The following SCD5 variants were observed in gnomAD, a reference collection of about 807,000 sequenced individuals.
SCD5 encodes the protein acyl-CoA-desaturase 4.
A neutral mutation model predicts 30.4 loss-of-function variants in SCD5; 20 were observed. The observed-to-expected ratio is 0.66, with a 90% CI of 0.46 to 0.96. The LOEUF is 0.96. Ranked by LOEUF, SCD5 falls within the 40% of genes least tolerant of loss-of-function variation. The probability of loss-of-function intolerance (pLI) is 0.00; values close to 1 mark genes in which losing one functional copy is unlikely to be tolerated. For synonymous variants in SCD5, 173 were observed against 176.4 expected, an observed-to-expected ratio of 0.98 and a Z score of 0.16; for missense variants, 381 against 443.3, an observed-to-expected ratio of 0.86 and a Z score of 1.26.
chr4:82,798,600 T>A lies in SCD5; in HGVS notation c.-63A>T. Reference sequence around the variant, plus strand: ...GGCAGGCGCTCTGCCCGAGCGGAGCTCGAGGGTGGGGGCGGGGGCTTCTGC... The same window carrying A: ...GGCAGGCGCTCTGCCCGAGCGGAGCACGAGGGTGGGGGCGGGGGCTTCTGC... On this transcript the variant is annotated 5_prime_UTR_variant, in exon 1 of 5. Transcript: ENST00000319540. 1 of 1,417,714 alleles carries A rather than the reference T, an allele frequency of 7.1e-7. No individual in the cohort carries two copies. Among genetic ancestry groups the A allele is most frequent in the Non-Finnish European group, 9.4e-7 (1 of 1,061,980 alleles). 87.8% of individuals were successfully genotyped at this position (1,417,714 alleles called of 1,614,324 possible).
chr4:82,680,941 G>C lies in SCD5; in HGVS notation c.364-29C>G, dbSNP rs199909062. ...CAGAGAGAATGAGAGCCTGAGTGAA[G>C]AGAGGAACCGCACCGCCGAGCATCC... On this transcript the variant is annotated intron_variant, in intron 2 of 4. Transcript: ENST00000319540. The C allele has an allele frequency of 3.8e-6, 6 of 1,595,828 alleles. No homozygotes were observed. The African/African-American group carries it at 5.4e-5, about 14-fold the overall frequency.
intron 3 of SCD5, among the ~76,000 whole-genome samples, chr4:82,667,098 C>CA (rs563106215): frequency 2.0e-4 from 30 of 152,218 alleles, no homozygotes; most frequent in African/African-American, 7.2e-4. Context: ...TCCCAGAATC[C>CA]ATTGACACCT....
At chr4:82,745,657 C>G (rs150464554) in intron 1 of SCD5, among the ~76,000 whole-genome samples, 18 of 152,334 alleles carry the variant, frequency 1.2e-4, no homozygotes, top group Admixed American at 3.3e-4. Flanking sequence ...ATCCTCTCTC[C>G]TCCCACCCCT....
intron 1 of SCD5, among the ~76,000 whole-genome samples, chr4:82,776,543 T>C (rs1721748244): frequency 6.6e-6 from 1 of 152,176 alleles, no homozygotes; most frequent in East Asian, 1.9e-4. Context: ...AGGCATGACC[T>C]GGACAGCTTC....
chr4:82,746,033 G>T (rs1427193967), intron 1 of SCD5, among the ~76,000 whole-genome samples: 1 of 152,176 alleles, frequency 6.6e-6, no homozygotes, highest in African/African-American at 2.4e-5. Context: ...TCTATAAAGG[G>T]CATAGAGCAG....
intron 1 of SCD5, among the ~76,000 whole-genome samples, chr4:82,768,048 T>C (rs1343047248): frequency 6.6e-6 from 1 of 152,236 alleles, no homozygotes; most frequent in Non-Finnish European, 1.5e-5. Context: ...CTCATTTATT[T>C]AGCTAACTTA....
At chr4:82,797,116 T>G (rs1489828877) in intron 1 of SCD5, among the ~76,000 whole-genome samples, 2 of 152,202 alleles carry the variant, frequency 1.3e-5, no homozygotes. Flanking sequence ...AAGGGAAGGC[T>G]TGGAACCATA....
intron 1 of SCD5, among the ~76,000 whole-genome samples, chr4:82,705,716 TA>T (rs1719955123): frequency 6.6e-6 from 1 of 152,212 alleles, no homozygotes; most frequent in South Asian, 2.1e-4. Flanking sequence ...CATGTCAATG[TA>T]CATTTGCAAT....
intron 1 of SCD5, among the ~76,000 whole-genome samples, chr4:82,713,572 G>A (rs1720156473): frequency 1.3e-5 from 2 of 152,168 alleles, no homozygotes; most frequent in African/African-American, 4.8e-5. Context: ...TATTAAATAA[G>A]GAATTACTGG....
intron 2 of SCD5, among the ~76,000 whole-genome samples, chr4:82,686,923 C>T (rs1187853795): frequency 1.3e-5 from 2 of 152,066 alleles, no homozygotes; most frequent in African/African-American, 4.8e-5. Context: ...GTAATCCTAG[C>T]ACTTTGGGAG....
intron 1 of SCD5, among the ~76,000 whole-genome samples, chr4:82,740,849 G>A (rs1414445880): frequency 6.6e-6 from 1 of 152,106 alleles, no homozygotes; most frequent in African/African-American, 2.4e-5. Context: ...TCTAGAACCA[G>A]AACTGACAGA....
intron 3 of SCD5, among the ~76,000 whole-genome samples, chr4:82,649,204 T>TGTGTGTGTGTGTGTGTGTGTGA (rs1727694948): frequency 2.0e-5 from 3 of 151,510 alleles, no homozygotes; most frequent in African/African-American, 2.4e-5. Context: ...TGTGTGTGTG[T>TGTGTGTGTGTGTGTGTGTGTGA]GTGTGTGTGT....
At chr4:82,743,227 G>C (rs887596288) in intron 1 of SCD5, among the ~76,000 whole-genome samples, 2 of 151,990 alleles carry the variant, frequency 1.3e-5, no homozygotes, top group Non-Finnish European at 2.9e-5. Context: ...AAAATTAGTT[G>C]AGCCAGGCTC....
intron 4 of SCD5, among the ~76,000 whole-genome samples, chr4:82,633,794 C>A (rs1156671744): frequency 1.3e-5 from 2 of 152,172 alleles, no homozygotes; most frequent in African/African-American, 2.4e-5. Context: ...ACAATTCACC[C>A]TCTTGAAGTA....
At chr4:82,791,509 C>A (rs1020907007) in intron 1 of SCD5, among the ~76,000 whole-genome samples, 2 of 151,964 alleles carry the variant, frequency 1.3e-5, no homozygotes, top group African/African-American at 4.8e-5. Flanking sequence ...GTCTCGCTCT[C>A]CAAAGGAGGA....
intron 1 of SCD5, among the ~76,000 whole-genome samples, chr4:82,737,138 T>C (rs1347480475): frequency 6.6e-6 from 1 of 152,214 alleles, no homozygotes; most frequent in African/African-American, 2.4e-5. Context: ...AATTTATGTT[T>C]GTATGAGGGT....
At chr4:82,716,589 G>A (rs57620300) in intron 1 of SCD5, among the ~76,000 whole-genome samples, 4,312 of 151,764 alleles carry the variant, frequency 0.028, 278 homozygotes, top group African/African-American at 0.094. Flanking sequence ...CGAGGTGGGC[G>A]GATCACTTGA....
intron 1 of SCD5, among the ~76,000 whole-genome samples, chr4:82,768,486 T>C (rs17006307): frequency 0.013 from 2,033 of 152,324 alleles, 43 homozygotes; most frequent in African/African-American, 0.045. Context: ...TCATCTTTTA[T>C]TAAGTGAGTT....
At chr4:82,750,640 CAAA>C (rs796212996) in intron 1 of SCD5, among the ~76,000 whole-genome samples, 1 of 132,124 alleles carries the variant, frequency 7.6e-6, no homozygotes, top group Non-Finnish European at 1.6e-5. Flanking sequence ...CTGCTTGTAG[CAAA>C]AAAAAAAAAA....
Sources: gnomAD v4.1 joint callset for allele counts (sites outside exome capture counted in the v4.1 genomes callset) on GRCh38, gnomAD v4.1.1 for gene constraint, MANE v1.5 for transcripts, NCBI Gene and HGNC (gene_info 2026-07-23, HGNC 2026-07-21) for gene names.